OPCML: variants seen among roughly 807,000 people sequenced by gnomAD.
OPCML encodes opioid-binding protein/cell adhesion molecule.
OPCML carries 13 observed loss-of-function variants against 37.8 expected under a neutral mutation model. That is an observed-to-expected ratio of 0.34 (90% CI 0.22 to 0.55). The LOEUF is 0.55. Ranked by LOEUF, OPCML falls within the 20% of genes least tolerant of loss-of-function variation. The probability of loss-of-function intolerance (pLI) is 0.91; values close to 1 mark genes in which losing one functional copy is unlikely to be tolerated. For missense variants in OPCML, 341 were observed against 435.6 expected, an observed-to-expected ratio of 0.78 and a Z score of 1.93; for synonymous variants, 176 against 168.8, an observed-to-expected ratio of 1.04 and a Z score of -0.33.
rs139346954 is a variant in OPCML at position 132,762,997 on chromosome 11, C to T, written c.147-105678G>A. On this transcript the variant is annotated intron_variant, in intron 2 of 7. Coordinates refer to ENST00000524381, the MANE Select transcript of OPCML (RefSeq NM_001012393.5). ...TGGGTTGCGAAGAACATGGGAAAAG[C>T]GTAGTATCTGGGCCAGATAGCACCA... 4.6e-4 allele frequency among the ~76,000 whole-genome samples: 70 copies of T among 152,208 alleles called. 1 individual carries two copies. In the East Asian group the frequency reaches 0.012, roughly 25 times the overall value.
At chr11:132,430,818 C>T (rs1458955995) in intron 7 of OPCML, among the ~76,000 whole-genome samples, 2 of 152,158 alleles carry the variant, frequency 1.3e-5, no homozygotes, top group South Asian at 4.1e-4. Context: ...GTCATCCAGG[C>T]GTTTACATGC....
intron 2 of OPCML, among the ~76,000 whole-genome samples, chr11:132,912,422 TCGGGAAGCA>T (rs1352414872): frequency 6.6e-6 from 1 of 152,164 alleles, no homozygotes; most frequent in East Asian, 1.9e-4. Flanking sequence ...GGTTATGAGG[TCGGGAAGCA>T]CAATTAATAA....
chr11:133,155,325 T>C (rs1950042756), intron 1 of OPCML, among the ~76,000 whole-genome samples: 3 of 152,208 alleles, frequency 2.0e-5, no homozygotes, highest in African/African-American at 7.2e-5. Context: ...TGCCTTCTGC[T>C]TCTACTGTAA....
chr11:133,417,263 T>G (rs1945789269), intron 1 of OPCML, among the ~76,000 whole-genome samples: 1 of 152,200 alleles, frequency 6.6e-6, no homozygotes, highest in Admixed American at 6.5e-5. Flanking sequence ...GGTCAAAACC[T>G]GGTGCTGCAA....
At chr11:133,498,762 T>G (rs1425397399) in intron 1 of OPCML, among the ~76,000 whole-genome samples, 1 of 152,146 alleles carries the variant, frequency 6.6e-6, no homozygotes. Flanking sequence ...AAAGGAGAAC[T>G]GCAAAAAGGA....
intron 1 of OPCML, among the ~76,000 whole-genome samples, chr11:133,279,752 C>T (rs1382586271): frequency 6.6e-6 from 1 of 152,004 alleles, no homozygotes; most frequent in Admixed American, 6.6e-5. Flanking sequence ...GAAAATTTCT[C>T]TTATTTCAAT....
At chr11:133,414,424 C>G (rs187474772) in intron 1 of OPCML, among the ~76,000 whole-genome samples, 2 of 152,254 alleles carry the variant, frequency 1.3e-5, no homozygotes, top group East Asian at 3.9e-4. Context: ...ATAACCCACG[C>G]CACAGCCTCG....
chr11:132,873,211 ATTT>A (rs1482177834), intron 2 of OPCML, among the ~76,000 whole-genome samples: 1 of 152,144 alleles, frequency 6.6e-6, no homozygotes, highest in Non-Finnish European at 1.5e-5. Context: ...CTGAACTTAG[ATTT>A]CATAACAATT....
chr11:132,680,886 C>T (rs1263604388), intron 2 of OPCML, among the ~76,000 whole-genome samples: 1 of 152,182 alleles, frequency 6.6e-6, no homozygotes, highest in Admixed American at 6.5e-5. Context: ...CCTCATGCCC[C>T]AGTCAGTTTT....
intron 3 of OPCML, among the ~76,000 whole-genome samples, chr11:132,543,435 C>T (rs1443693441): frequency 6.6e-6 from 1 of 151,980 alleles, no homozygotes; most frequent in African/African-American, 2.4e-5. Flanking sequence ...ACTGCTTGAA[C>T]CCAAGAGTTC....
intron 1 of OPCML, among the ~76,000 whole-genome samples, chr11:133,090,525 G>A (rs772165876): frequency 3.3e-4 from 51 of 152,280 alleles, no homozygotes; most frequent in Non-Finnish European, 5.9e-4. Flanking sequence ...AGGTGGAGAC[G>A]AGAAATAATG....
chr11:132,683,695 A>G (rs187179597), intron 2 of OPCML, among the ~76,000 whole-genome samples: 88 of 152,098 alleles, frequency 5.8e-4, no homozygotes, highest in African/African-American at 2.1e-3. Context: ...AATTCTTCTC[A>G]CTCCATCTTT....
chr11:132,857,860 A>G (rs1942123120), intron 2 of OPCML, among the ~76,000 whole-genome samples: 1 of 152,272 alleles, frequency 6.6e-6, no homozygotes, highest in African/African-American at 2.4e-5. Flanking sequence ...GCTCTTTGGA[A>G]TCCTCAACAA....
intron 1 of OPCML, among the ~76,000 whole-genome samples, chr11:133,349,328 A>T (rs536661395): frequency 6.6e-6 from 1 of 152,276 alleles, no homozygotes; most frequent in African/African-American, 2.4e-5. Flanking sequence ...TTTGAGGGAG[A>T]TGTTTAACTT....
chr11:132,560,751 G>T (rs948422317), intron 3 of OPCML, among the ~76,000 whole-genome samples: 1 of 152,056 alleles, frequency 6.6e-6, no homozygotes, highest in Non-Finnish European at 1.5e-5. Flanking sequence ...GTCTATTCAT[G>T]TTCTTAGCCC....
At chr11:132,487,795 C>A (rs1048268593) in intron 4 of OPCML, among the ~76,000 whole-genome samples, 1 of 152,142 alleles carries the variant, frequency 6.6e-6, no homozygotes, top group African/African-American at 2.4e-5. Flanking sequence ...GGCCTATGCA[C>A]ATCACTCACG....
At chr11:133,228,724 C>T (rs1390424519) in intron 1 of OPCML, among the ~76,000 whole-genome samples, 2 of 152,264 alleles carry the variant, frequency 1.3e-5, no homozygotes, top group African/African-American at 2.4e-5. Flanking sequence ...TCCTGCAGAG[C>T]CCCTCAGCAC....
At chr11:132,634,716 C>T (rs1940373941) in intron 3 of OPCML, among the ~76,000 whole-genome samples, 1 of 152,074 alleles carries the variant, frequency 6.6e-6, no homozygotes, top group Non-Finnish European at 1.5e-5. Context: ...CTGTCCACTC[C>T]ACCCTACTGC....
At chr11:132,546,884 C>T (rs974889460) in intron 3 of OPCML, among the ~76,000 whole-genome samples, 3 of 152,228 alleles carry the variant, frequency 2.0e-5, no homozygotes, top group Admixed American at 2.0e-4. Flanking sequence ...GTGCTCTCTG[C>T]TGCCTCACAG....
Sources: gnomAD v4.1 joint callset for allele counts (sites outside exome capture counted in the v4.1 genomes callset) on GRCh38, gnomAD v4.1.1 for gene constraint, MANE v1.5 for transcripts, NCBI Gene and HGNC (gene_info 2026-07-23, HGNC 2026-07-21) for gene names.